The following FMR1NB variants were observed in gnomAD, a reference collection of about 807,000 sequenced individuals.
FMR1NB encodes the protein FMR1 neighbor.
In FMR1NB, 10 loss-of-function variants were observed where a neutral mutation model predicts 16.8. The observed-to-expected ratio is 0.60, with a 90% CI of 0.37 to 1.01. FMR1NB has a LOEUF of 1.01. Among genes scored for constraint, FMR1NB ranks in the 50% least tolerant of loss-of-function variants. The probability of loss-of-function intolerance (pLI) is 0.01; values close to 1 mark genes in which losing one functional copy is unlikely to be tolerated. For missense variants in FMR1NB, 205 were observed against 204.8 expected, an observed-to-expected ratio of 1.00 and a Z score of 0.00; for synonymous variants, 83 against 79.1, an observed-to-expected ratio of 1.05 and a Z score of -0.26.
At chrX:147,998,419 A>T (rs1311939535) in intron 1 of FMR1NB, among the ~76,000 whole-genome samples, 2 of 111,613 alleles carry the variant, frequency 1.8e-5, no homozygotes, top group Non-Finnish European at 3.8e-5. Context: ...ACATATGGAC[A>T]CAGGGAGAGG....
At chrX:148,025,199 A>G (rs892977132) in intron 5 of FMR1NB, among the ~76,000 whole-genome samples, 186 bp downstream of exon 5, 1 of 111,571 alleles carries the variant, frequency 9.0e-6, no homozygotes, top group Non-Finnish European at 1.9e-5. Context: ...GAAAATGGAT[A>G]AGAAATGTGC....
At chrX:147,998,383 A>G (rs1033203015) in intron 1 of FMR1NB, among the ~76,000 whole-genome samples, 11 of 103,335 alleles carry the variant, frequency 1.1e-4, no homozygotes, top group African/African-American at 4.1e-4. Flanking sequence ...ATGTTCTCAC[A>G]CATAAGTGGG....
Position 148,006,904 on chromosome X carries a change from C to A in FMR1NB, c.538+62C>A, listed in dbSNP as rs782099097. 614 of 1,085,563 alleles carry A rather than the reference C, an allele frequency of 5.7e-4. No individual in the cohort carries two copies. In the Middle Eastern group the frequency reaches 8.3e-3, roughly 15 times the overall value. 89.5% of individuals were successfully genotyped at this position (1,085,563 alleles called of 1,213,427 possible). ...ATATTAAATAAACAGATCGCAGTGG[C>A]ATAAGTTCATATTTGGATTTCCTAG... On this transcript the variant is annotated intron_variant, in intron 3 of 5. Transcript: ENST00000370467.
intron 1 of FMR1NB, among the ~76,000 whole-genome samples, chrX:147,990,079 G>A (rs1216475941): frequency 9.1e-6 from 1 of 109,724 alleles, no homozygotes; most frequent in African/African-American, 3.3e-5. Context: ...AGCTAGCTCC[G>A]TGTCTGTCTG....
chrX:147,993,040 C>T (rs782079574), intron 1 of FMR1NB, among the ~76,000 whole-genome samples: 255 of 105,713 alleles, frequency 2.4e-3, no homozygotes, highest in Middle Eastern at 4.9e-3. Flanking sequence ...GCTGCAATCT[C>T]GGCACTTTGG....
intron 4 of FMR1NB, among the ~76,000 whole-genome samples, chrX:148,010,363 G>A (rs1378913276): frequency 8.9e-6 from 1 of 112,004 alleles, no homozygotes; most frequent in Non-Finnish European, 1.9e-5. Context: ...GAATTTCCAG[G>A]AACAATGATT....
chrX:148,001,261 A>G (rs1362080252), intron 1 of FMR1NB, among the ~76,000 whole-genome samples: 5 of 112,419 alleles, frequency 4.4e-5, no homozygotes, highest in Admixed American at 1.9e-4. Context: ...AACATTATCA[A>G]TTCTCTCCAA....
chrX:147,988,006 G>A lies in FMR1NB; in HGVS notation c.277+6327G>A, dbSNP rs1309233073. On this transcript the variant is annotated intron_variant, in intron 1 of 5. Coordinates refer to ENST00000370467, the MANE Select transcript of FMR1NB (RefSeq NM_152578.3). ...TGTATTGTAATTGGGGCATTTAGCCGATTTACATTTAAGGTTAATATTGTT... is the reference window on the plus strand; with the variant it reads ...TGTATTGTAATTGGGGCATTTAGCCAATTTACATTTAAGGTTAATATTGTT... Among the ~76,000 whole-genome samples, 5 of 111,420 alleles carry A rather than the reference G, an allele frequency of 4.5e-5. No homozygotes were observed. The South Asian group carries it at 1.5e-3, about 34-fold the overall frequency.
chrX:147,987,334 G>T (rs1433656310), intron 1 of FMR1NB, among the ~76,000 whole-genome samples: 1 of 111,756 alleles, frequency 8.9e-6, no homozygotes, highest in Non-Finnish European at 1.9e-5. Flanking sequence ...TGGCATGATT[G>T]CTTTGGCCAG....
intron 4 of FMR1NB, among the ~76,000 whole-genome samples, chrX:148,014,005 T>A (rs148591894): frequency 0.014 from 1,511 of 111,561 alleles, 13 homozygotes; most frequent in Non-Finnish European, 0.021. Context: ...ATTTGCCCCT[T>A]CTCCCATTTT....
chrX:147,981,914 C>T (rs1557186586), intron 1 of FMR1NB, among the ~76,000 whole-genome samples: 1 of 111,588 alleles, frequency 9.0e-6, no homozygotes, highest in Non-Finnish European at 1.9e-5. Flanking sequence ...AAAAGACTTT[C>T]CCTCCCCAAC....
At chrX:148,006,565 T>G in intron 2 of FMR1NB, 137 bp from the exon 3 acceptor site, 1 of 594,080 alleles carries the variant, frequency 1.7e-6, no homozygotes, top group Non-Finnish European at 2.5e-6. Flanking sequence ...AAGTCTTATT[T>G]TCTTTTAGCA....
intron 1 of FMR1NB, among the ~76,000 whole-genome samples, chrX:147,999,754 A>G (rs1400102424): frequency 8.9e-6 from 1 of 111,739 alleles, no homozygotes; most frequent in Non-Finnish European, 1.9e-5. Flanking sequence ...TATCCTCAAA[A>G]CACAGAATAT....
chrX:147,991,913 G>A (rs1178052801), intron 1 of FMR1NB, among the ~76,000 whole-genome samples: 6 of 108,713 alleles, frequency 5.5e-5, no homozygotes, highest in South Asian at 3.9e-4. Context: ...ATCTTGCACC[G>A]CCCTTAATCC....
At position 147,992,861 on chromosome X, in the gene FMR1NB, C is replaced by T. The variant is rs1294728563; in HGVS notation, c.278-10340C>T. Among the ~76,000 whole-genome samples the T allele has an allele frequency of 4.6e-5, 4 of 87,748 alleles. No individual in the cohort carries two copies. The East Asian group carries it at 1.4e-3, about 30-fold the overall frequency. 76.2% of individuals were successfully genotyped at this position (87,748 alleles called of 115,157 possible). On this transcript the variant is annotated intron_variant, in intron 1 of 5. Transcript: ENST00000370467. ...GCTCCTCACTTCCTAGATGTGATGG[C>T]GGCTGGGAAGAGGCGCTCCTCACTT...
chrX:147,986,500 G>A (rs2044477453), intron 1 of FMR1NB, among the ~76,000 whole-genome samples: 1 of 111,885 alleles, frequency 8.9e-6, no homozygotes, highest in Non-Finnish European at 1.9e-5. Flanking sequence ...TTTTGCATAA[G>A]GTGTAAGGAA....
chrX:147,990,497 AT>A (rs782500854), intron 1 of FMR1NB, among the ~76,000 whole-genome samples: 2 of 111,677 alleles, frequency 1.8e-5, no homozygotes, highest in East Asian at 5.7e-4. Flanking sequence ...AGTTGTATGT[AT>A]TTTTGGGGTA....
At chrX:148,001,220 A>G (rs990857508) in intron 1 of FMR1NB, among the ~76,000 whole-genome samples, 9 of 112,246 alleles carry the variant, frequency 8.0e-5, no homozygotes, top group African/African-American at 2.9e-4. Flanking sequence ...ATGAACAGAG[A>G]AACAAAACTA....
intron 4 of FMR1NB, among the ~76,000 whole-genome samples, chrX:148,013,630 A>C (rs1337634057): frequency 8.9e-6 from 1 of 112,185 alleles, no homozygotes; most frequent in Non-Finnish European, 1.9e-5. Context: ...CTTGAGTTAG[A>C]TAATTTCTAT....
Sources: gnomAD v4.1 joint callset for allele counts (sites outside exome capture counted in the v4.1 genomes callset) on GRCh38, gnomAD v4.1.1 for gene constraint, MANE v1.5 for transcripts, NCBI Gene and HGNC (gene_info 2026-07-23, HGNC 2026-07-21) for gene names.